WNT5B: variants seen among roughly 807,000 people sequenced by gnomAD.
WNT5B encodes the protein protein Wnt-5b.
WNT5B carries 18 observed loss-of-function variants against 36.5 expected under a neutral mutation model. That is an observed-to-expected ratio of 0.49 (90% confidence interval 0.34 to 0.73). The LOEUF (loss-of-function observed/expected upper bound fraction) is 0.73, where lower values mean the gene tolerates loss of function less well. Ranked by LOEUF, WNT5B falls within the 30% of genes least tolerant of loss-of-function variation. WNT5B has a pLI of 0.01. For missense variants in WNT5B, 424 were observed against 508.4 expected (o/e 0.83, Z 1.60); for synonymous variants, 213 against 212.3 (o/e 1.00, Z -0.03).
chr12:1,620,931 G>A (rs1465316954), intron 1 of WNT5B, among the ~76,000 whole-genome samples: 1 of 6,818 alleles, frequency 1.5e-4, no homozygotes, highest in African/African-American at 5.3e-4. Context: ...TTGATCTCTT[G>A]ACCTCGTAAT....
Position 1,632,433 on chromosome 12 carries a change from AGTCT to A in WNT5B, c.81-219_81-216del, listed in dbSNP as rs2094552606. 2.0e-5 allele frequency among the ~76,000 whole-genome samples: 3 copies of A among 152,086 alleles called. No homozygotes were observed. The highest frequency in any genetic ancestry group is 7.2e-5 in the African/African-American group (3 of 41,400). ...ACAGCAGATCCAGAAGCATATCCAG[AGTCT>A]GTCTGGGGCATTTGGCATCTCGCAT... On this transcript the variant is annotated intron_variant, in intron 2 of 4. Transcript: ENST00000397196. This position sits in a 1 kb window ranked among gnomAD's most constrained non-coding sequence, Gnocchi z 5.8.
At chr12:1,636,543 T>TACAC (rs2094562071) in intron 3 of WNT5B, among the ~76,000 whole-genome samples, 1 of 10,948 alleles carries the variant, frequency 9.1e-5, no homozygotes, top group African/African-American at 2.2e-4. Flanking sequence ...ATATATATAC[T>TACAC]TTTTTTTTTT....
At chr12:1,640,124 G>A (rs1245656996) in intron 4 of WNT5B, 148 bp downstream of exon 4, 3 of 937,202 alleles carry the variant, frequency 3.2e-6, no homozygotes, top group African/African-American at 3.5e-5. Context: ...ACATGTCCAC[G>A]TTATTGAACA....
At chr12:1,631,729 C>A (rs111635536) in intron 2 of WNT5B, among the ~76,000 whole-genome samples, 4,315 of 152,266 alleles carry the variant, frequency 0.028, 209 homozygotes, top group African/African-American at 0.098. Context: ...GCTCTTGGGT[C>A]AACAAGAATA....
chr12:1,619,104 C>T (rs2094530510), intron 1 of WNT5B, among the ~76,000 whole-genome samples: 2 of 145,398 alleles, frequency 1.4e-5, no homozygotes, highest in Admixed American at 6.8e-5. Flanking sequence ...CTACCAAGCC[C>T]CCAGCCCCTC....
chr12:1,637,041 TG>T (rs747412193), intron 3 of WNT5B, among the ~76,000 whole-genome samples: 2 of 152,002 alleles, frequency 1.3e-5, no homozygotes, highest in Non-Finnish European at 2.9e-5. Context: ...TTTGTAGAGA[TG>T]GGGTACTGCT....
chr12:1,620,705 A>AT (rs746469978), intron 1 of WNT5B, among the ~76,000 whole-genome samples: 100 of 105,210 alleles, frequency 9.5e-4, no homozygotes, highest in African/African-American at 1.6e-3. Flanking sequence ...CACCCAGCAA[A>AT]TTTTTTTTTT....
At chr12:1,624,904 C>A (rs574749364), upstream of WNT5B, among the ~76,000 whole-genome samples, 1 of 151,898 alleles carries the variant, frequency 6.6e-6, no homozygotes, top group Non-Finnish European at 1.5e-5. Context: ...GAGACCTCTT[C>A]GGTCTCAACC....
chr12:1,641,813 AAAAAG>A (rs1460016520), intron 4 of WNT5B, among the ~76,000 whole-genome samples: 3 of 152,250 alleles, frequency 2.0e-5, no homozygotes, highest in African/African-American at 4.8e-5. Context: ...AATAGAAAGA[AAAAAG>A]AAAAGAAAAA....
rs941689647 is a variant in WNT5B, at chr12:1,647,032, G to T, written c.*780G>T. 1.3e-5 allele frequency: 2 copies of T among 152,282 alleles called. No homozygotes were observed. The highest frequency in any genetic ancestry group is 4.8e-5 in the African/African-American group (2 of 41,448). The allele number at this position is 152,282 out of a possible 1,614,324, so 9.4% of individuals were successfully genotyped here. A position where few individuals can be genotyped will look rare whatever the true frequency, so the allele number is the denominator to read the frequency against. The stretch of plus-strand genomic sequence containing the variant: ...GGGTGCATGACCAGGCTGCGTGGAC[G>T]TTATACTGTCTTCCCCCACCCCCGG... On this transcript the variant is annotated 3_prime_UTR_variant, in exon 5 of 5. Coordinates refer to ENST00000397196, the MANE Select transcript of WNT5B (RefSeq NM_032642.3).
chr12:1,626,515 G>A (rs369659247), upstream of WNT5B, among the ~76,000 whole-genome samples: 2 of 150,970 alleles, frequency 1.3e-5, no homozygotes, highest in African/African-American at 2.4e-5. Flanking sequence ...CACCTGCCTC[G>A]GCCTCGCAAA....
Position 1,646,427 on chromosome 12 carries a change from T to A in WNT5B, c.*175T>A. On this transcript the variant is annotated 3_prime_UTR_variant, in exon 5 of 5. Coordinates refer to ENST00000397196, the MANE Select transcript of WNT5B (RefSeq NM_032642.3). ...AGAGACGCTGGAGATCTCTGAGGAG[T>A]GGACTTTGCTGGTTCTCTCCTCTTG... The A allele has an allele frequency of 2.1e-6, 1 of 476,634 alleles. No individual in the cohort carries two copies. The allele number at this position is 476,634 out of a possible 1,614,324, so 29.5% of individuals were successfully genotyped here.
At chr12:1,635,753 C>T (rs2094559422) in intron 3 of WNT5B, among the ~76,000 whole-genome samples, 1 of 152,266 alleles carries the variant, frequency 6.6e-6, no homozygotes, top group South Asian at 2.1e-4. Context: ...CTTTGGCCAT[C>T]TTACCATCCC....
intron 3 of WNT5B, 86 bp from the exon 4 acceptor site, chr12:1,639,598 G>A: frequency 2.2e-6 from 3 of 1,394,804 alleles, no homozygotes; most frequent in Non-Finnish European, 1.9e-6. Context: ...GCCGTGGCGT[G>A]CGGGTCCGTC....
In WNT5B at chr12:1,644,461, C is replaced by T. The variant is rs779807914; in HGVS notation, c.622-1333C>T. On this transcript the variant is annotated intron_variant, in intron 4 of 4. Coordinates refer to ENST00000397196, the MANE Select transcript of WNT5B (RefSeq NM_032642.3). This position sits in a 1 kb window ranked among gnomAD's most constrained non-coding sequence, Gnocchi z 5.1. ...CACCATAAAATAGTGGGAATAATTCCGTACCAGAAAAAACTCAGGAAGACT... is the reference window on the plus strand; with the variant it reads ...CACCATAAAATAGTGGGAATAATTCTGTACCAGAAAAAACTCAGGAAGACT... 2.6e-5 allele frequency among the ~76,000 whole-genome samples: 4 copies of T among 152,124 alleles called. No homozygotes were observed. Among genetic ancestry groups the T allele is most frequent in the Non-Finnish European group, 2.9e-5 (2 of 68,028 alleles).
intron 1 of WNT5B, among the ~76,000 whole-genome samples, chr12:1,622,143 C>T (rs2094534662): frequency 7.1e-6 from 1 of 140,322 alleles, no homozygotes; most frequent in Admixed American, 7.3e-5. Flanking sequence ...CGGAGTCTCG[C>T]TCTGTCGCCC....
In WNT5B at chr12:1,630,118, T is replaced by A; in HGVS notation, c.-58+747T>A. On this transcript the variant is annotated intron_variant, in intron 1 of 4. Transcript: ENST00000397196. This position sits in a 1 kb window ranked among gnomAD's most constrained non-coding sequence, Gnocchi z 5.3. ...CTGGCGGCCCCAGGACAAAAATACTTCCCGGGCTGATGACCCGAAGCACCC... is the reference window on the plus strand; with the variant it reads ...CTGGCGGCCCCAGGACAAAAATACTACCCGGGCTGATGACCCGAAGCACCC... The A allele has an allele frequency of 1.0e-6, 1 of 985,184 alleles. No individual in the cohort carries two copies. Among genetic ancestry groups the A allele is most frequent in the Non-Finnish European group, 1.2e-6 (1 of 829,924 alleles). 61.0% of individuals were successfully genotyped at this position (985,184 alleles called of 1,614,324 possible). A position where few individuals can be genotyped will look rare whatever the true frequency, so the allele number is the denominator to read the frequency against.
At chr12:1,625,517 A>G (rs1360233365), upstream of WNT5B, among the ~76,000 whole-genome samples, 1 of 152,172 alleles carries the variant, frequency 6.6e-6, no homozygotes, top group African/African-American at 2.4e-5. Context: ...TGTCCCATGG[A>G]AATCATCCAG....
At chr12:1,631,493 G>A in intron 2 of WNT5B, 59 bp downstream of exon 2, 1 of 1,611,622 alleles carries the variant, frequency 6.2e-7, no homozygotes, top group Non-Finnish European at 8.5e-7. Context: ...CAGCGACTGA[G>A]ATGAGGAGGA....
Sources: gnomAD v4.1 joint callset for allele counts (sites outside exome capture counted in the v4.1 genomes callset) on GRCh38, gnomAD v4.1.1 for gene constraint, Gnocchi (gnomAD v3.1) non-coding constraint, MANE v1.5 for transcripts, NCBI Gene and HGNC (gene_info 2026-07-23, HGNC 2026-07-21) for gene names.